ARID4B: variants seen among roughly 807,000 people sequenced by gnomAD.
ARID4B encodes AT-rich interactive domain-containing protein 4B.
Under a neutral mutation model 147.5 loss-of-function variants are expected in ARID4B, and 26 were observed. The observed-to-expected ratio is 0.18, with a 90% CI of 0.13 to 0.24. The LOEUF is 0.24. Among genes scored for constraint, ARID4B ranks in the 10% least tolerant of loss-of-function variants. ARID4B has a pLI of 1.00. For missense variants in ARID4B, 1,179 were observed against 1,511.5 expected (o/e 0.78, Z 3.65); for synonymous variants, 512 against 507.9 (o/e 1.01, Z -0.11).
At chr1:235,185,866 C>G (rs1323535185) in intron 19 of ARID4B, among the ~76,000 whole-genome samples, 1 of 151,624 alleles carries the variant, frequency 6.6e-6, no homozygotes, top group Non-Finnish European at 1.5e-5. Flanking sequence ...TTTATAATTT[C>G]ATAATGATGT....
rs151096385 is a variant in ARID4B at position 235,223,762 on chromosome 1, T to A, written c.971-502A>T. Among the ~76,000 whole-genome samples, 299 of 145,000 alleles carry A rather than the reference T, an allele frequency of 2.1e-3. 2 individuals are homozygous for A. Among genetic ancestry groups the A allele is most frequent in the African/African-American group, 7.2e-3 (288 of 40,026 alleles). ...AATCAAACAAACCATGAGAAAGTGGTAGAGGAGGTAACAGGGTAGGGGTAC... is the reference window on the plus strand; with the variant it reads ...AATCAAACAAACCATGAGAAAGTGGAAGAGGAGGTAACAGGGTAGGGGTAC... On this transcript the variant is annotated intron_variant, in intron 12 of 23. Coordinates refer to ENST00000264183, the MANE Select transcript of ARID4B (RefSeq NM_016374.6).
chr1:235,195,185 T>G (rs1308042645), intron 18 of ARID4B, among the ~76,000 whole-genome samples: 1 of 152,132 alleles, frequency 6.6e-6, no homozygotes, highest in East Asian at 1.9e-4. Context: ...AAGATGCTAA[T>G]CAAACATTTA....
At chr1:235,263,474 T>C (rs1670411873) in intron 2 of ARID4B, among the ~76,000 whole-genome samples, 2 of 152,190 alleles carry the variant, frequency 1.3e-5, no homozygotes, top group South Asian at 2.1e-4. Flanking sequence ...GGCATATTTA[T>C]TAAAGCTGAA....
At chr1:235,215,701 G>A (rs561191188) in intron 16 of ARID4B, among the ~76,000 whole-genome samples, 73 of 151,716 alleles carry the variant, frequency 4.8e-4, no homozygotes, top group African/African-American at 1.7e-3. Flanking sequence ...TCCCACCTCA[G>A]CATCCCAAGT....
chr1:235,207,795 C>G (rs1666415500), intron 17 of ARID4B, among the ~76,000 whole-genome samples: 1 of 152,116 alleles, frequency 6.6e-6, no homozygotes, highest in African/African-American at 2.4e-5. Flanking sequence ...AGCCTTTTAC[C>G]AGGTTTTTTC....
At position 235,219,987 on chromosome 1, in the gene ARID4B, A is replaced by G. The variant is rs766297876; in HGVS notation, c.1408-19T>C. The G allele has an allele frequency of 7.4e-6, 11 of 1,482,510 alleles. No individual in the cohort carries two copies. The East Asian group carries it at 2.6e-4, about 35-fold the overall frequency. The allele number at this position is 1,482,510 out of a possible 1,614,324, so 91.8% of individuals were successfully genotyped here. A position where few individuals can be genotyped will look rare whatever the true frequency, so the allele number is the denominator to read the frequency against. On this transcript the variant is annotated intron_variant, in intron 15 of 23. Coordinates refer to ENST00000264183, the MANE Select transcript of ARID4B (RefSeq NM_016374.6). ...TACTTCCCTAGAAAAAGATCAGAGG[A>G]AAGAAACCAACAAAAGTAAAAATTT... is the stretch of plus-strand genomic sequence containing the variant.
At chr1:235,186,055 C>T (rs1167924960) in intron 19 of ARID4B, among the ~76,000 whole-genome samples, 3 of 151,776 alleles carry the variant, frequency 2.0e-5, no homozygotes, top group Non-Finnish European at 2.9e-5. Flanking sequence ...CTGCAACCTC[C>T]ACCTCCCAGG....
At chr1:235,307,500 C>T (rs148084952) in intron 2 of ARID4B, among the ~76,000 whole-genome samples, 6 of 151,920 alleles carry the variant, frequency 3.9e-5, no homozygotes, top group African/African-American at 1.4e-4. Flanking sequence ...TTTCAAATGG[C>T]CAAAGGAAAC....
intron 18 of ARID4B, among the ~76,000 whole-genome samples, chr1:235,195,046 T>C (rs181950900): frequency 6.6e-6 from 1 of 152,204 alleles, no homozygotes; most frequent in African/African-American, 2.4e-5. Context: ...AAACTACTCT[T>C]AAAAATTTTG....
chr1:235,224,334 G>C (rs1406995520), intron 12 of ARID4B, among the ~76,000 whole-genome samples: 1 of 152,154 alleles, frequency 6.6e-6, no homozygotes, highest in African/African-American at 2.4e-5. Context: ...AGCAGCTTCT[G>C]GCAGATTAAA....
chr1:235,196,467 A>G (rs10924870), intron 17 of ARID4B, among the ~76,000 whole-genome samples: 72,618 of 152,004 alleles, frequency 0.48, 17,704 homozygotes, highest in South Asian at 0.6. Flanking sequence ...ACTTTGTTTC[A>G]TTCTTAAGCA....
rs559756419 is a variant in ARID4B, at chr1:235,312,241, G to A, written c.6+14673C>T. On this transcript the variant is annotated intron_variant, in intron 2 of 23. Transcript: ENST00000264183. ...GCAGAGGTTGCAGTTAGCCAAGATC[G>A]TGCCACCACACTCTAGTCTGGTGAC... 2.5e-4 allele frequency among the ~76,000 whole-genome samples: 38 copies of A among 152,236 alleles called. 1 individual carries two copies. The highest frequency in any genetic ancestry group is 4.3e-4 in the Non-Finnish European group (29 of 68,024).
intron 11 of ARID4B, chr1:235,228,469 C>T (rs1667984317): frequency 6.7e-6 from 1 of 149,748 alleles, no homozygotes; most frequent in Admixed American, 6.7e-5. Context: ...CACTGACATG[C>T]CCTGCTAATT....
At chr1:235,176,235 A>G (rs372151404) in intron 21 of ARID4B, among the ~76,000 whole-genome samples, 41 of 152,042 alleles carry the variant, frequency 2.7e-4, no homozygotes, top group African/African-American at 8.2e-4. Flanking sequence ...GGAGAACACT[A>G]TATCTCTGTA....
chr1:235,245,864 T>G (rs1235933973), intron 7 of ARID4B, among the ~76,000 whole-genome samples: 1 of 152,100 alleles, frequency 6.6e-6, no homozygotes, highest in Non-Finnish European at 1.5e-5. Flanking sequence ...TATGAAAAGA[T>G]TAAGTAACCA....
intron 2 of ARID4B, among the ~76,000 whole-genome samples, chr1:235,271,303 A>G (rs935925851): frequency 6.6e-6 from 1 of 152,128 alleles, no homozygotes; most frequent in Non-Finnish European, 1.5e-5. Context: ...CGCAGTGACT[A>G]TATCACTGCA....
intron 23 of ARID4B, among the ~76,000 whole-genome samples, chr1:235,171,566 A>G (rs1257753488): frequency 6.6e-6 from 1 of 152,206 alleles, no homozygotes; most frequent in East Asian, 1.9e-4. Flanking sequence ...GGCTCTATTT[A>G]GCAAAATCAT....
chr1:235,297,953 AAGACATTTTAG>A (rs753752508), intron 2 of ARID4B, among the ~76,000 whole-genome samples: 24 of 152,318 alleles, frequency 1.6e-4, no homozygotes, highest in Middle Eastern at 3.4e-3. Context: ...ACAAATTGCA[AAGACATTTTAG>A]AGACAGGCTA....
chr1:235,241,100 G>A (rs1668952378), intron 7 of ARID4B, among the ~76,000 whole-genome samples: 1 of 152,168 alleles, frequency 6.6e-6, no homozygotes, highest in Admixed American at 6.5e-5. Flanking sequence ...GAAAAAGGAA[G>A]TATCTGAAAC....
Sources: allele counts gnomAD v4.1 joint callset (sites outside exome capture counted in the v4.1 genomes callset), GRCh38; gene constraint gnomAD v4.1.1; transcripts MANE v1.5; gene names NCBI Gene and HGNC (gene_info 2026-07-23, HGNC 2026-07-21).